The following MARF1 variants were observed in gnomAD, a reference collection of about 807,000 sequenced individuals.
MARF1 encodes meiosis regulator and mRNA stability factor 1.
Under a neutral mutation model 168.2 loss-of-function variants are expected in MARF1, and 24 were observed. The ratio of observed to expected loss-of-function variants is 0.14; its 90% confidence interval spans 0.10 to 0.20. The LOEUF (loss-of-function observed/expected upper bound fraction) is 0.20. Among genes scored for constraint, MARF1 ranks in the 10% least tolerant of loss-of-function variants. The pLI, the probability that MARF1 is intolerant of heterozygous loss-of-function variation, is 1.00. For synonymous variants in MARF1, 868 were observed against 822.4 expected, an observed-to-expected ratio of 1.06 and a Z score of -0.95; for missense variants, 1,744 against 2,143.6, an observed-to-expected ratio of 0.81 and a Z score of 3.68.
chr16:15,626,693 C>G (rs1271864963), intron 7 of MARF1, among the ~76,000 whole-genome samples: 1 of 152,138 alleles, frequency 6.6e-6, no homozygotes, highest in African/African-American at 2.4e-5. Context: ...GGCACAGTGG[C>G]TCACGCCTGT....
intron 9 of MARF1, 37 bp from the exon 10 acceptor site, chr16:15,624,964 T>C (rs774675057): frequency 8.7e-6 from 14 of 1,613,832 alleles, no homozygotes; most frequent in South Asian, 2.2e-5. Context: ...AAAGGTCATA[T>C]GTCTTCCTTC....
intron 12 of MARF1, 80 bp from the exon 13 acceptor site, chr16:15,620,611 C>G: frequency 1.1e-6 from 1 of 886,822 alleles, no homozygotes; most frequent in Non-Finnish European, 1.7e-6. Flanking sequence ...ATAAAATTAA[C>G]CCAGTGCATA....
chr16:15,626,947 G>C (rs1366798965), intron 7 of MARF1, among the ~76,000 whole-genome samples: 1 of 126,928 alleles, frequency 7.9e-6, no homozygotes, highest in Non-Finnish European at 1.6e-5. Flanking sequence ...CTGGGCGACA[G>C]AGCGAGATTC....
In MARF1 at chr16:15,625,114, G is replaced by A; in HGVS notation, c.2013C>T (p.His671=). Residue 671 remains histidine, a synonymous_variant, in exon 9 of 27, where the codon CAC becomes CAT. Transcript: ENST00000396368. ...CGTGAGTGGGTACGACCAGCCTCAG[G>A]TGACCTTGCTGGTGCTCACTGTTTC... is the stretch of plus-strand genomic sequence containing the variant. ...GHRNSEHQQG[H]LRLVVPTHGN... is the part of the protein sequence containing the mutation. The A allele has an allele frequency of 6.2e-7, 1 of 1,614,158 alleles. No individual in the cohort carries two copies. The highest frequency in any genetic ancestry group is 8.5e-7 in the Non-Finnish European group (1 of 1,180,032).
Position 15,596,752 on chromosome 16 carries a change from G to A in MARF1, c.5170C>T (p.Pro1724Ser), listed in dbSNP as rs773460942. ...DPVESPAKKQ[P>S]KNRVKLAANF... Reference sequence around the variant, plus strand: ...GCTGCCAATTTGACTCTATTTTTGGGTTGCTTTTTGGCCGGGCTTTCCACG... The same window carrying A: ...GCTGCCAATTTGACTCTATTTTTGGATTGCTTTTTGGCCGGGCTTTCCACG... The change falls in exon 27 of 27, where the codon CCC becomes TCC. Residue 1724 changes from proline (P) to serine (S), a missense_variant. Coordinates refer to ENST00000396368, the MANE Select transcript of MARF1 (RefSeq NM_014647.4). 3 of 1,611,486 alleles carry A rather than the reference G, an allele frequency of 1.9e-6. No homozygotes were observed. Among genetic ancestry groups the A allele is most frequent in the Non-Finnish European group, 2.5e-6 (3 of 1,178,020 alleles).
chr16:15,636,415 C>G, intron 2 of MARF1, 73 bp from the exon 3 acceptor site: 1 of 1,032,352 alleles, frequency 9.7e-7, no homozygotes, highest in Middle Eastern at 2.5e-4. Context: ...TATCTTACTG[C>G]ATGCACAAAC....
In MARF1 at chr16:15,611,124, G is replaced by A. The variant is rs78405494; in HGVS notation, c.3618-16C>T. On this transcript the variant is annotated splice_polypyrimidine_tract_variant and intron_variant, in intron 18 of 26. Coordinates refer to ENST00000396368, the MANE Select transcript of MARF1 (RefSeq NM_014647.4). ...TGAGAAACACCTAGGTTTTAACAAC[G>A]GAAGTGGATACGGAATGAGTAGTAT... 1.4e-3 allele frequency: 2,209 copies of A among 1,612,632 alleles called. 29 individuals carry two copies. The African/African-American group carries it at 0.025, about 19-fold the overall frequency.
Position 15,596,529 on chromosome 16 carries a change from G to GC in MARF1, c.*163dup, listed in dbSNP as rs1211872547. The GC allele has an allele frequency of 1.8e-6, 1 of 552,862 alleles. No individual in the cohort carries two copies. Among genetic ancestry groups the GC allele is most frequent in the African/African-American group, 1.9e-5 (1 of 51,594 alleles). The allele number at this position is 552,862 out of a possible 1,614,324, so 34.2% of individuals were successfully genotyped here. A position where few individuals can be genotyped will look rare whatever the true frequency, so the allele number is the denominator to read the frequency against. On this transcript the variant is annotated 3_prime_UTR_variant, in exon 27 of 27. Coordinates refer to ENST00000396368, the MANE Select transcript of MARF1 (RefSeq NM_014647.4). ...AAGAAAAGAAAGACTTCAGCTCAAA[G>GC]CTGTGTTCAATGGAAAAGAAAAACA...
At chr16:15,597,562 G>A (rs971021620) in intron 26 of MARF1, among the ~76,000 whole-genome samples, 5 of 152,198 alleles carry the variant, frequency 3.3e-5, no homozygotes, top group Non-Finnish European at 7.3e-5. Context: ...CACGCTGCTT[G>A]AAAGAGATGC....
intron 22 of MARF1, chr16:15,602,841 C>A (rs1213371176): frequency 1.0e-5 from 3 of 293,958 alleles, no homozygotes; most frequent in African/African-American, 6.6e-5. Flanking sequence ...TTAAACTGCA[C>A]CTCCAAACCA....
chr16:15,600,430 C>T lies in MARF1; in HGVS notation c.4811G>A (p.Ser1604Asn). The T allele has an allele frequency of 6.2e-7, 1 of 1,614,214 alleles. No homozygotes were observed. Among genetic ancestry groups the T allele is most frequent in the Non-Finnish European group, 8.5e-7 (1 of 1,180,056 alleles). The change falls in exon 25 of 27, where the codon AGT becomes AAT. Residue 1604 changes from serine to asparagine, a missense_variant and splice_region_variant. Ser to Asn is a conservative substitution (Grantham distance 46). Around this residue, in one of 7 missense-constraint regions of MARF1, gnomAD observed 313 missense variants for 337.4 expected, o/e 0.93. Coordinates refer to ENST00000396368, the MANE Select transcript of MARF1 (RefSeq NM_014647.4). The part of the protein sequence containing the change: ...ASELKLGADG[S>N]GPSHTEQELL... Reference sequence around the variant, plus strand: ...TGTCTCTGCTTTTCCTCTCTTACCACTGCCGTCAGCTCCAAGCTTGAGTTC... The same window carrying T: ...TGTCTCTGCTTTTCCTCTCTTACCATTGCCGTCAGCTCCAAGCTTGAGTTC...
chr16:15,633,535 C>T, intron 5 of MARF1, 82 bp downstream of exon 5: 1 of 1,092,220 alleles, frequency 9.2e-7, no homozygotes, highest in East Asian at 2.6e-5. Context: ...GACACTTAGA[C>T]TCTGTCTCAA....
chr16:15,605,240 G>C (rs945481829), intron 21 of MARF1, among the ~76,000 whole-genome samples: 1 of 152,136 alleles, frequency 6.6e-6, no homozygotes, highest in East Asian at 1.9e-4. Flanking sequence ...CTGACAGCTT[G>C]TTTGCCCCCT....
Position 15,613,989 on chromosome 16 carries a change from G to A in MARF1, c.3254-1212C>T, listed in dbSNP as rs115212714. ...AGGCAACAAGTAAAGTGTCGTTCAC[G>A]GGCAGCAGCCTTGGATATCTGCAAC... On this transcript the variant is annotated intron_variant, in intron 16 of 26. Transcript: ENST00000396368. Among the ~76,000 whole-genome samples the A allele has an allele frequency of 2.2e-3, 331 of 152,228 alleles. 1 individual carries two copies. Among genetic ancestry groups the A allele is most frequent in the African/African-American group, 7.4e-3 (306 of 41,532 alleles).
intron 22 of MARF1, among the ~76,000 whole-genome samples, chr16:15,603,338 GA>G (rs2032696769): frequency 6.6e-6 from 1 of 152,054 alleles, no homozygotes; most frequent in Admixed American, 6.6e-5. Flanking sequence ...CAGCAGCCTA[GA>G]ACAGTATTTT....
In MARF1 at chr16:15,623,124, C is replaced by G; in HGVS notation, c.2271-1G>C. 1 of 1,574,616 alleles carries G rather than the reference C, an allele frequency of 6.4e-7. No homozygotes were observed. The highest frequency in any genetic ancestry group is 8.7e-7 in the Non-Finnish European group (1 of 1,151,244). ...GTTTAAAAGGTTTGGAGACATACTC[C>G]TGCTTAAAACACACATATTGACATT... On this transcript the variant is annotated splice_acceptor_variant, in intron 10 of 26. Transcript: ENST00000396368. LOFTEE classifies it high-confidence loss of function.
At position 15,625,112 on chromosome 16, in the gene MARF1, A is replaced by C; in HGVS notation, c.2015T>G (p.Leu672Arg). 1.9e-6 allele frequency: 3 copies of C among 1,614,206 alleles called. No homozygotes were observed. Among genetic ancestry groups the C allele is most frequent in the Non-Finnish European group, 1.7e-6 (2 of 1,180,030 alleles). Reference sequence around the variant, plus strand: ...ACCGTGAGTGGGTACGACCAGCCTCAGGTGACCTTGCTGGTGCTCACTGTT... The same window carrying C: ...ACCGTGAGTGGGTACGACCAGCCTCCGGTGACCTTGCTGGTGCTCACTGTT... The part of the protein sequence containing the change: ...HRNSEHQQGH[L>R]RLVVPTHGNS... Residue 672 changes from leucine to arginine, a missense_variant, in exon 9 of 27, where the codon CTG becomes CGG. By Grantham distance (102) the Leu-to-Arg change is moderately radical. Coordinates refer to ENST00000396368, the MANE Select transcript of MARF1 (RefSeq NM_014647.4).
In MARF1 at chr16:15,600,537, G is replaced by T. The variant is rs750744258; in HGVS notation, c.4704C>A (p.Leu1568=). 1 of 1,614,224 alleles carries T rather than the reference G, an allele frequency of 6.2e-7. No homozygotes were observed. ...TTTCATGATTGGCAGGGGAGAGACT[G>T]AGTGAACTCAAACGACCTACAGGAC... ...KNDMKSRLSS[L]SLSPANHENQ... Residue 1568 remains leucine (L), a synonymous_variant, in exon 25 of 27, where the codon CTC becomes CTA. Coordinates refer to ENST00000396368, the MANE Select transcript of MARF1 (RefSeq NM_014647.4).
At chr16:15,637,883 C>A (rs182183660) in intron 2 of MARF1, among the ~76,000 whole-genome samples, 49 of 152,290 alleles carry the variant, frequency 3.2e-4, no homozygotes, top group African/African-American at 1.1e-3. Context: ...GTTATTAATA[C>A]CCGGCCAGGC....
Sources: gnomAD v4.1 joint callset for allele counts (sites outside exome capture counted in the v4.1 genomes callset) on GRCh38, gnomAD v4.1.1 for gene constraint, gnomAD v4.1.1 regional missense constraint, MANE v1.5 for transcripts, NCBI Gene and HGNC (gene_info 2026-07-23, HGNC 2026-07-21) for gene names.